The following DGKI variants were observed in gnomAD, a reference collection of about 807,000 sequenced individuals.
The protein encoded by DGKI is DAG kinase iota.
DGKI carries 55 observed loss-of-function variants against 147.5 expected under a neutral mutation model. The observed-to-expected ratio is 0.37, with a 90% CI of 0.30 to 0.47. DGKI has a LOEUF of 0.47. Ranked by LOEUF, DGKI falls within the 20% of genes least tolerant of loss-of-function variation. The probability of loss-of-function intolerance (pLI) is 1.00; values close to 1 mark genes in which losing one functional copy is unlikely to be tolerated. For synonymous variants in DGKI, 469 were observed against 477.1 expected (o/e 0.98, Z 0.22); for missense variants, 1,007 against 1,323.8 (o/e 0.76, Z 3.71).
intron 27 of DGKI, among the ~76,000 whole-genome samples, chr7:137,444,789 C>A (rs1402286973): frequency 6.6e-6 from 1 of 152,262 alleles, no homozygotes; most frequent in South Asian, 2.1e-4. Context: ...GCTTGCTTCC[C>A]CCCAGTTGAC....
chr7:137,778,323 A>AT (rs1796419740), intron 1 of DGKI, among the ~76,000 whole-genome samples: 1 of 152,210 alleles, frequency 6.6e-6, no homozygotes, highest in Non-Finnish European at 1.5e-5. Flanking sequence ...ATGGTTCAAT[A>AT]AAGCCAGAGA....
intron 1 of DGKI, chr7:137,843,584 G>T: frequency 4.6e-6 from 1 of 218,896 alleles, no homozygotes; most frequent in Non-Finnish European, 7.7e-6. Context: ...CAAAGTAAAA[G>T]TCAAGCAAAA....
At chr7:137,746,553 G>GTTGT (rs3839666) in intron 1 of DGKI, among the ~76,000 whole-genome samples, 4,064 of 152,110 alleles carry the variant, frequency 0.027, 144 homozygotes, top group African/African-American at 0.081. Context: ...ATCCAGAGAT[G>GTTGT]TTGTTTGTTT....
At chr7:137,757,721 C>G (rs554985949) in intron 1 of DGKI, among the ~76,000 whole-genome samples, 177 of 152,342 alleles carry the variant, frequency 1.2e-3, no homozygotes, top group African/African-American at 4.2e-3. Flanking sequence ...CAGGAAATCT[C>G]TCTCTTAACC....
intron 19 of DGKI, among the ~76,000 whole-genome samples, chr7:137,565,536 T>G (rs1252897962): frequency 1.3e-5 from 2 of 152,204 alleles, no homozygotes; most frequent in East Asian, 3.8e-4. Context: ...AATTCATAAC[T>G]ATAAAGAAAC....
At chr7:137,651,927 T>G (rs1335077868) in intron 5 of DGKI, among the ~76,000 whole-genome samples, 1 of 152,114 alleles carries the variant, frequency 6.6e-6, no homozygotes, top group Non-Finnish European at 1.5e-5. Context: ...TAGGAGATCA[T>G]AGGCAACACT....
intron 21 of DGKI, among the ~76,000 whole-genome samples, chr7:137,505,341 C>T (rs1485590545): frequency 6.6e-6 from 1 of 152,078 alleles, no homozygotes; most frequent in African/African-American, 2.4e-5. Flanking sequence ...ACCTTTGTCT[C>T]AGCAAGGCTC....
rs370530468 is a variant in DGKI, at chr7:137,487,206, T to C, written c.2328+404A>G. Among the ~76,000 whole-genome samples, 46 of 152,322 alleles carry C rather than the reference T, an allele frequency of 3.0e-4. No homozygotes were observed. In the East Asian group the frequency reaches 6.2e-3, roughly 20 times the overall value. ...ATTTTTCTTTCCCATAGAAGTTTTA[T>C]TTATTTTTTTGTTTACAAAATCTAG... On this transcript the variant is annotated intron_variant, in intron 22 of 32. Coordinates refer to ENST00000614521, the MANE Select transcript of DGKI (RefSeq NM_001321708.2).
intron 1 of DGKI, among the ~76,000 whole-genome samples, chr7:137,721,082 T>A (rs1006881296): frequency 6.6e-6 from 1 of 152,318 alleles, no homozygotes; most frequent in African/African-American, 2.4e-5. Context: ...CACATCCTAC[T>A]TTTTAACTGC....
intron 1 of DGKI, among the ~76,000 whole-genome samples, chr7:137,750,408 A>G (rs1795460547): frequency 6.6e-6 from 1 of 151,552 alleles, no homozygotes; most frequent in Admixed American, 6.6e-5. Context: ...TCCTGTGTAG[A>G]TCGCTGTTGT....
chr7:137,434,781 T>C (rs1813218800), intron 28 of DGKI, among the ~76,000 whole-genome samples: 1 of 152,142 alleles, frequency 6.6e-6, no homozygotes, highest in Non-Finnish European at 1.5e-5. Context: ...TCAGGACACA[T>C]AGAAAGCAAT....
chr7:137,701,398 A>G (rs1236274218), intron 1 of DGKI, among the ~76,000 whole-genome samples: 2 of 152,082 alleles, frequency 1.3e-5, no homozygotes, highest in South Asian at 2.1e-4. Flanking sequence ...CATATTGGGA[A>G]GGAAAAAGTA....
chr7:137,846,151 TCTCTCTCTCTCACA>T lies in DGKI; in HGVS notation c.401+297_401+310del, dbSNP rs1435231129. Among the ~76,000 whole-genome samples the T allele has an allele frequency of 1.4e-5, 2 of 138,762 alleles. No homozygotes were observed. The highest frequency in any genetic ancestry group is 7.1e-5 in the Admixed American group (1 of 13,998). 91.0% of individuals were successfully genotyped at this position (138,762 alleles called of 152,430 possible). On this transcript the variant is annotated intron_variant, in intron 1 of 32. Transcript: ENST00000614521. This position sits in a 1 kb window ranked among gnomAD's most constrained non-coding sequence, Gnocchi z 4.0. ...CTCTCTCTTTCTCTCTCTCTCTCTC[TCTCTCTCTCTCACA>T]CACACACACACACACACACACACAC...
intron 1 of DGKI, among the ~76,000 whole-genome samples, chr7:137,773,259 C>T (rs1440685127): frequency 2.6e-5 from 4 of 152,078 alleles, no homozygotes; most frequent in East Asian, 3.8e-4. Context: ...TGGTACCACA[C>T]GTATAGCACG....
intron 3 of DGKI, among the ~76,000 whole-genome samples, chr7:137,671,120 A>C (rs1822830156): frequency 6.6e-6 from 1 of 152,198 alleles, no homozygotes; most frequent in Non-Finnish European, 1.5e-5. Flanking sequence ...TTTCATTTTT[A>C]AACAGCAGAA....
intron 8 of DGKI, among the ~76,000 whole-genome samples, chr7:137,616,458 A>G (rs1820534909): frequency 1.3e-5 from 2 of 152,184 alleles, no homozygotes; most frequent in Admixed American, 6.5e-5. Context: ...TATAAATCCC[A>G]TATCCCATTA....
intron 20 of DGKI, among the ~76,000 whole-genome samples, chr7:137,540,317 T>C (rs1010249187): frequency 2.6e-5 from 4 of 152,166 alleles, no homozygotes; most frequent in African/African-American, 4.8e-5. Context: ...ATCACTCTTA[T>C]TCAACATTGT....
chr7:137,698,091 G>T (rs886535843), intron 1 of DGKI, among the ~76,000 whole-genome samples: 1 of 149,870 alleles, frequency 6.7e-6, no homozygotes, highest in Non-Finnish European at 1.5e-5. Flanking sequence ...TATCTATATA[G>T]AGAGATATAT....
Position 137,449,160 on chromosome 7 carries a change from C to T in DGKI, c.2736-5058G>A, listed in dbSNP as rs116763344. Among the ~76,000 whole-genome samples the T allele has an allele frequency of 7.3e-3, 1,111 of 152,252 alleles. 5 individuals carry two copies. Among genetic ancestry groups the T allele is most frequent in the African/African-American group, 0.026 (1,066 of 41,546 alleles). The stretch of plus-strand genomic sequence containing the variant: ...CAATCCTAAAACGTGTATGAAACCA[C>T]AGAAGACCCTGAATAGCCAAAGCAA... On this transcript the variant is annotated intron_variant, in intron 27 of 32. Coordinates refer to ENST00000614521, the MANE Select transcript of DGKI (RefSeq NM_001321708.2).
Sources: allele counts gnomAD v4.1 joint callset (sites outside exome capture counted in the v4.1 genomes callset), GRCh38; gene constraint gnomAD v4.1.1; non-coding constraint Gnocchi (gnomAD v3.1); transcripts MANE v1.5; gene names NCBI Gene and HGNC (gene_info 2026-07-23, HGNC 2026-07-21).